ERC2: variants seen among roughly 807,000 people sequenced by gnomAD.
The protein encoded by ERC2 is ELKS/RAB6-interacting/CAST family member 2.
Under a neutral mutation model 114.8 loss-of-function variants are expected in ERC2, and 42 were observed. The ratio of observed to expected loss-of-function variants is 0.37; its 90% CI spans 0.29 to 0.47. The LOEUF (loss-of-function observed/expected upper bound fraction) is 0.47. Among genes scored for constraint, ERC2 ranks in the 20% least tolerant of loss-of-function variants. The pLI, the probability that ERC2 is intolerant of heterozygous loss-of-function variation, is 0.99. For synonymous variants in ERC2, 454 were observed against 425.5 expected (o/e 1.07, Z -0.82); for missense variants, 939 against 1,150.7 (o/e 0.82, Z 2.66).
chr3:56,305,620 T>C (rs1560559680), intron 2 of ERC2, among the ~76,000 whole-genome samples: 1 of 151,716 alleles, frequency 6.6e-6, no homozygotes, highest in Non-Finnish European at 1.5e-5. Context: ...AGGATGTTGA[T>C]CAATAAGAAC....
chr3:55,531,525 T>C (rs1298608726), intron 17 of ERC2, among the ~76,000 whole-genome samples: 1 of 152,204 alleles, frequency 6.6e-6, no homozygotes, highest in Non-Finnish European at 1.5e-5. Context: ...GACTCCTGAC[T>C]TCCTGCTAGC....
chr3:56,283,620 AAAGGAGCATTTT>A (rs1245413648), intron 3 of ERC2, among the ~76,000 whole-genome samples: 1 of 152,234 alleles, frequency 6.6e-6, no homozygotes, highest in Admixed American at 6.5e-5. Context: ...ATGGATGAGA[AAAGGAGCATTTT>A]AAAGAAGATC....
chr3:56,421,679 GAC>G (rs1359289051), intron 2 of ERC2, among the ~76,000 whole-genome samples: 1 of 152,194 alleles, frequency 6.6e-6, no homozygotes, highest in Non-Finnish European at 1.5e-5. Context: ...GTATAGGAGA[GAC>G]AGAGCAGAGA....
intron 13 of ERC2, among the ~76,000 whole-genome samples, chr3:55,898,624 C>T (rs17714807): frequency 0.043 from 6,613 of 152,220 alleles, 200 homozygotes; most frequent in South Asian, 0.094. Context: ...TGCAACCACC[C>T]GAGATTGTCA....
chr3:56,346,028 AG>A (rs1200276807), intron 2 of ERC2, among the ~76,000 whole-genome samples: 2 of 152,234 alleles, frequency 1.3e-5, no homozygotes, highest in African/African-American at 4.8e-5. Context: ...AACCACCCAA[AG>A]GGACATCATC....
chr3:56,244,473 G>A (rs577801773), intron 3 of ERC2, among the ~76,000 whole-genome samples: 1 of 152,184 alleles, frequency 6.6e-6, no homozygotes, highest in South Asian at 2.1e-4. Context: ...TGACATCATA[G>A]GAGATGACAG....
At chr3:55,604,128 C>T (rs2058539548) in intron 17 of ERC2, among the ~76,000 whole-genome samples, 4 of 152,144 alleles carry the variant, frequency 2.6e-5, no homozygotes, top group African/African-American at 9.7e-5. Flanking sequence ...TCCTTTCAGA[C>T]TTTGCTAGCA....
intron 14 of ERC2, among the ~76,000 whole-genome samples, chr3:55,836,533 G>T (rs972750573): frequency 1.3e-5 from 2 of 152,124 alleles, no homozygotes; most frequent in African/African-American, 4.8e-5. Context: ...AATGGTGCTG[G>T]GAAAACTGGC....
intron 9 of ERC2, among the ~76,000 whole-genome samples, chr3:56,007,524 C>T (rs555036347): frequency 7.0e-4 from 106 of 152,074 alleles, no homozygotes; most frequent in African/African-American, 2.5e-3. Flanking sequence ...ATCTAATTGC[C>T]GTAGAATCAA....
intron 16 of ERC2, 110 bp from the exon 17 acceptor site, chr3:55,683,969 C>T: frequency 8.1e-7 from 1 of 1,231,704 alleles, no homozygotes; most frequent in Non-Finnish European, 1.1e-6. Flanking sequence ...CTAATCTTCA[C>T]TTTGTTTTTT....
intron 14 of ERC2, among the ~76,000 whole-genome samples, chr3:55,883,995 C>A (rs2063246569): frequency 6.6e-6 from 1 of 152,064 alleles, no homozygotes; most frequent in Non-Finnish European, 1.5e-5. Flanking sequence ...TTGAAGAAGG[C>A]TGGTAGATTG....
At chr3:56,254,099 C>G (rs1285978926) in intron 3 of ERC2, among the ~76,000 whole-genome samples, 1 of 152,202 alleles carries the variant, frequency 6.6e-6, no homozygotes, top group African/African-American at 2.4e-5. Context: ...AGGGCTAGCG[C>G]CCAAGTTTCA....
chr3:56,372,650 T>A (rs2059398973), intron 2 of ERC2, among the ~76,000 whole-genome samples: 1 of 151,830 alleles, frequency 6.6e-6, no homozygotes, highest in African/African-American at 2.4e-5. Flanking sequence ...ATCACTTGAA[T>A]CCAGGAGGTG....
chr3:55,987,592 G>A (rs2070734296), intron 11 of ERC2, among the ~76,000 whole-genome samples: 1 of 152,164 alleles, frequency 6.6e-6, no homozygotes, highest in African/African-American at 2.4e-5. Context: ...CATGTACCAT[G>A]AAACTTCTAA....
chr3:55,986,124 A>G, intron 11 of ERC2, 136 bp from the exon 12 acceptor site: 1 of 839,194 alleles, frequency 1.2e-6, no homozygotes, highest in Non-Finnish European at 1.9e-6. Flanking sequence ...CAGGTTTATA[A>G]CTAAACGAAG....
intron 15 of ERC2, among the ~76,000 whole-genome samples, chr3:55,714,946 T>C (rs1383967841): frequency 6.6e-6 from 1 of 152,010 alleles, no homozygotes; most frequent in Non-Finnish European, 1.5e-5. Flanking sequence ...ATTTTAGTTC[T>C]GGGGAAAAGA....
intron 17 of ERC2, among the ~76,000 whole-genome samples, chr3:55,620,911 T>C (rs2059299019): frequency 6.6e-6 from 1 of 152,224 alleles, no homozygotes; most frequent in Non-Finnish European, 1.5e-5. Flanking sequence ...ACATAACTGT[T>C]GTCATTTAGG....
chr3:55,831,058 G>C (rs2060545550), intron 14 of ERC2, among the ~76,000 whole-genome samples: 1 of 150,980 alleles, frequency 6.6e-6, no homozygotes, highest in Non-Finnish European at 1.5e-5. Flanking sequence ...TGTAATCCCA[G>C]TACTTTGGGA....
intron 2 of ERC2, among the ~76,000 whole-genome samples, chr3:56,432,571 T>C (rs1249071762): frequency 6.6e-6 from 1 of 152,210 alleles, no homozygotes; most frequent in Non-Finnish European, 1.5e-5. Context: ...TTTGGCTCTG[T>C]TAGATAATCA....
Sources: allele counts gnomAD v4.1 joint callset (sites outside exome capture counted in the v4.1 genomes callset), GRCh38; gene constraint gnomAD v4.1.1; transcripts MANE v1.5; gene names NCBI Gene and HGNC (gene_info 2026-07-23, HGNC 2026-07-21).